Variants in NFASC observed in about 807,000 individuals in gnomAD.
NFASC encodes neurofascin homolog.
NFASC carries 43 observed loss-of-function variants against 147.5 expected under a neutral mutation model. The observed-to-expected ratio is 0.29, with a 90% CI of 0.23 to 0.38. NFASC has a LOEUF of 0.38. Ranked by LOEUF, NFASC falls within the 10% of genes least tolerant of loss-of-function variation. The probability of loss-of-function intolerance (pLI) is 1.00; values close to 1 mark genes in which losing one functional copy is unlikely to be tolerated. For synonymous variants in NFASC, 622 were observed against 665.5 expected (o/e 0.93, Z 1.01); for missense variants, 1,320 against 1,689.0 (o/e 0.78, Z 3.83).
intron 1 of NFASC, among the ~76,000 whole-genome samples, chr1:204,829,489 C>A (rs1479389508): frequency 3.3e-5 from 5 of 152,044 alleles, no homozygotes; most frequent in African/African-American, 9.7e-5. Context: ...GGCCTCTGGA[C>A]CCCCCTTCCC....
intron 1 of NFASC, among the ~76,000 whole-genome samples, chr1:204,877,933 A>G (rs527612518): frequency 1.3e-5 from 2 of 152,226 alleles, no homozygotes; most frequent in Admixed American, 1.3e-4. Context: ...GCCTGTGGCA[A>G]ATGATGTTTC....
intron 2 of NFASC, among the ~76,000 whole-genome samples, chr1:204,927,001 G>A (rs1352045211): frequency 6.6e-6 from 1 of 152,124 alleles, no homozygotes. Context: ...CTTGAACCCT[G>A]GAGGCAGAGG....
intron 1 of NFASC, among the ~76,000 whole-genome samples, chr1:204,903,365 C>G (rs2085082185): frequency 6.6e-6 from 1 of 152,180 alleles, no homozygotes; most frequent in African/African-American, 2.4e-5. Flanking sequence ...TGAACGATGA[C>G]CTCCCTGCCT....
At position 204,957,837 on chromosome 1, in the gene NFASC, G is replaced by A. The variant is rs769277715; in HGVS notation, c.706+11G>A. The A allele has an allele frequency of 6.2e-7, 1 of 1,613,854 alleles. No individual in the cohort carries two copies. The highest frequency in any genetic ancestry group is 8.5e-7 in the Non-Finnish European group (1 of 1,179,826). ...TCAAGGTCCTCACCAGTAAGTGAAG[G>A]CCCCTGTCCCGGGGCTGGGGGCCAA... On this transcript the variant is annotated intron_variant, in intron 8 of 29. Coordinates refer to ENST00000339876, the MANE Select transcript of NFASC (RefSeq NM_001005388.3).
At chr1:204,867,436 C>A (rs995727027) in intron 1 of NFASC, among the ~76,000 whole-genome samples, 31 of 147,586 alleles carry the variant, frequency 2.1e-4, no homozygotes, top group Non-Finnish European at 4.0e-4. Flanking sequence ...CACACACACA[C>A]ACACTACACA....
intron 1 of NFASC, among the ~76,000 whole-genome samples, chr1:204,879,511 G>A (rs765497159): frequency 2.0e-5 from 3 of 152,166 alleles, no homozygotes; most frequent in Non-Finnish European, 4.4e-5. Context: ...AGGACCAAGG[G>A]GTGGGAGAGA....
intron 27 of NFASC, among the ~76,000 whole-genome samples, chr1:205,004,209 C>T (rs2096060197): frequency 6.6e-6 from 1 of 152,224 alleles, no homozygotes; most frequent in Non-Finnish European, 1.5e-5. Context: ...GGGAAGACTG[C>T]CAAAACCAGG....
intron 8 of NFASC, among the ~76,000 whole-genome samples, chr1:204,961,470 A>G (rs1427606218): frequency 6.6e-6 from 1 of 152,190 alleles, no homozygotes; most frequent in Non-Finnish European, 1.5e-5. Context: ...GCATCCTCAC[A>G]AGGAGGGCTT....
chr1:204,928,001 G>T (rs147093588), intron 2 of NFASC, among the ~76,000 whole-genome samples: 4 of 152,146 alleles, frequency 2.6e-5, no homozygotes, highest in Admixed American at 6.5e-5. Context: ...CTCCCCAGAG[G>T]GGGGAGTTCG....
In NFASC at chr1:204,933,495, A is replaced by T. The variant is rs1197998004; in HGVS notation, c.-90-10731A>T. On this transcript the variant is annotated intron_variant, in intron 2 of 29. Coordinates refer to ENST00000339876, the MANE Select transcript of NFASC (RefSeq NM_001005388.3). ...CCAATGGAGACACTGAATTTTAGGC[A>T]GAAGAAGAGAATCCGGCCATGGGAT... Among the ~76,000 whole-genome samples, 7 of 152,226 alleles carry T rather than the reference A, an allele frequency of 4.6e-5. No homozygotes were observed. The East Asian group carries it at 1.3e-3, about 29-fold the overall frequency.
At chr1:204,959,621 GC>G (rs1316456269) in intron 8 of NFASC, among the ~76,000 whole-genome samples, 2 of 152,188 alleles carry the variant, frequency 1.3e-5, no homozygotes, top group Non-Finnish European at 2.9e-5. Flanking sequence ...CACCACCAGG[GC>G]CCCTCTCTCC....
intron 1 of NFASC, among the ~76,000 whole-genome samples, chr1:204,918,019 A>G (rs1248105824): frequency 6.6e-6 from 1 of 152,198 alleles, no homozygotes; most frequent in Admixed American, 6.5e-5. Context: ...CTCCCAGTTC[A>G]CAGCCAAGAC....
intron 21 of NFASC, chr1:204,984,171 A>C: frequency 6.7e-7 from 1 of 1,492,314 alleles, no homozygotes; most frequent in South Asian, 1.1e-5. Context: ...GACTCACCTA[A>C]CTACCCAGCT....
rs565467902 is a variant in NFASC, at chr1:205,016,186, C to T, written c.3492-122C>T. 58 of 715,972 alleles carry T rather than the reference C, an allele frequency of 8.1e-5. 2 individuals carry two copies. In the South Asian group the frequency reaches 8.8e-4, roughly 11 times the overall value. 44.4% of individuals were successfully genotyped at this position (715,972 alleles called of 1,614,324 possible). A position where few individuals can be genotyped will look rare whatever the true frequency, so the allele number is the denominator to read the frequency against. On this transcript the variant is annotated intron_variant, in intron 29 of 29. Transcript: ENST00000339876. The surrounding 1 kb of genome is among the most constrained non-coding windows in gnomAD (Gnocchi z 5.1). Reference sequence around the variant, plus strand: ...GCAGGCTGGACAGGGGAGGGTGAAGCGGGGGCTGGACTGGGCGGTCTCCTG... The same window carrying T: ...GCAGGCTGGACAGGGGAGGGTGAAGTGGGGGCTGGACTGGGCGGTCTCCTG...
chr1:204,974,400 CA>C, intron 13 of NFASC, 110 bp downstream of exon 13: 1 of 891,906 alleles, frequency 1.1e-6, no homozygotes, highest in Non-Finnish European at 1.8e-6. Context: ...CTTAAAGGGT[CA>C]AAGCTGGGAG....
chr1:204,952,204 T>C, intron 5 of NFASC, 88 bp downstream of exon 5: 1 of 1,041,776 alleles, frequency 9.6e-7, no homozygotes, highest in South Asian at 1.4e-5. Flanking sequence ...AGCAGGAAAA[T>C]TGGACTCATC....
At chr1:204,944,059 T>C (rs1187105143) in intron 2 of NFASC, among the ~76,000 whole-genome samples, 167 bp from the exon 3 acceptor site, 1 of 152,176 alleles carries the variant, frequency 6.6e-6, no homozygotes, top group African/African-American at 2.4e-5. Flanking sequence ...AGGCCAAGAA[T>C]TGTTCAGTCC....
At chr1:204,861,487 T>A (rs2102852168) in intron 1 of NFASC, among the ~76,000 whole-genome samples, 1 of 152,176 alleles carries the variant, frequency 6.6e-6, no homozygotes, top group South Asian at 2.1e-4. Flanking sequence ...ACTGCCAGAC[T>A]CATCTCACTT....
intron 10 of NFASC, among the ~76,000 whole-genome samples, chr1:204,969,942 G>A (rs978370398): frequency 6.6e-6 from 1 of 152,024 alleles, no homozygotes; most frequent in African/African-American, 2.4e-5. Flanking sequence ...TGGGCGTGGT[G>A]GGACATGCCT....
Sources: allele counts gnomAD v4.1 joint callset (sites outside exome capture counted in the v4.1 genomes callset), GRCh38; gene constraint gnomAD v4.1.1; non-coding constraint Gnocchi (gnomAD v3.1); transcripts MANE v1.5; gene names NCBI Gene and HGNC (gene_info 2026-07-23, HGNC 2026-07-21).